The following CFAP46 variants were observed in gnomAD, a reference collection of about 807,000 sequenced individuals.
The protein encoded by CFAP46 is cilia and flagella associated protein 46, also known as cilia- and flagella-associated protein 46.
CFAP46 carries 245 observed loss-of-function variants against 325.7 expected under a neutral mutation model. The ratio of observed to expected loss-of-function variants is 0.75; its 90% confidence interval spans 0.68 to 0.84. CFAP46 has a LOEUF of 0.84. CFAP46 is among the 40% of genes least tolerant of loss of function. The probability of loss-of-function intolerance (pLI) is 0.00; values close to 1 mark genes in which losing one functional copy is unlikely to be tolerated. For missense variants in CFAP46, 3,346 were observed against 3,543.0 expected (o/e 0.94, Z 1.41); for synonymous variants, 1,523 against 1,495.9 (o/e 1.02, Z -0.42).
At chr10:132,937,100 C>A (rs10870211) in intron 6 of CFAP46, 45 bp from the exon 7 acceptor site, 1,156,857 of 1,179,852 alleles carry the variant, frequency 0.98, 567,181 homozygotes, top group East Asian at 1. Flanking sequence ...TCAAACAATT[C>A]GGTAGAGGTT....
At chr10:132,915,011 G>A (rs1026386180) in intron 17 of CFAP46, among the ~76,000 whole-genome samples, 23 of 152,390 alleles carry the variant, frequency 1.5e-4, no homozygotes, top group East Asian at 9.6e-4. Context: ...TCACTCAGCC[G>A]TGTGGACGTG....
rs1591069177 is a variant in CFAP46, at chr10:132,880,974, T to C, written c.3686A>G (p.His1229Arg). 1.9e-6 allele frequency: 3 copies of C among 1,550,396 alleles called. No homozygotes were observed. The highest frequency in any genetic ancestry group is 2.4e-5 in the East Asian group (1 of 40,930). ...GTCCTCGAGAGGAAAGTGTCTGTGA[T>C]GGAGCCACTGGCCGAACTCCATGAG... ...EYLMEFGQWL[H>R]HRHFPLEDVV... The change falls in exon 28 of 58, where the codon CAT becomes CGT. Residue 1229 changes from histidine to arginine, a missense_variant. His to Arg is a conservative substitution (Grantham distance 29). Coordinates refer to ENST00000368586, the MANE Select transcript of CFAP46 (RefSeq NM_001200049.3).
Position 132,937,010 on chromosome 10 carries a change from T to C in CFAP46, c.706A>G (p.Lys236Glu). Residue 236 changes from lysine to glutamate, a missense_variant, in exon 7 of 58, where the codon AAA becomes GAA. Physicochemically the swap from Lys to Glu is moderately conservative, Grantham distance 56. Coordinates refer to ENST00000368586, the MANE Select transcript of CFAP46 (RefSeq NM_001200049.3). ...GTGACTGACAGGCTAATGGAATTTT[T>C]CTTTTCTTCCTTTAACTGAAGTTCG... is the stretch of plus-strand genomic sequence containing the variant. ...MDELQLKEEK[K>E]NSISLSVTFY... 1 of 1,540,452 alleles carries C rather than the reference T, an allele frequency of 6.5e-7. No homozygotes were observed. The highest frequency in any genetic ancestry group is 8.8e-7 in the Non-Finnish European group (1 of 1,133,490).
In CFAP46 at chr10:132,889,469, C is replaced by T. The variant is rs1849224903; in HGVS notation, c.3304+2864G>A. Among the ~76,000 whole-genome samples, 2 of 152,182 alleles carry T rather than the reference C, an allele frequency of 1.3e-5. No individual in the cohort carries two copies. The highest frequency in any genetic ancestry group is 6.5e-5 in the Admixed American group (1 of 15,284). ...GGCACTGGCCAGAGAAGCGGGTCTG[C>T]GTCTGAAACTTGGGAACCCTGAGCC... On this transcript the variant is annotated intron_variant, in intron 25 of 57. Coordinates refer to ENST00000368586, the MANE Select transcript of CFAP46 (RefSeq NM_001200049.3). This position sits in a 1 kb window ranked among gnomAD's most constrained non-coding sequence, Gnocchi z 6.0.
At chr10:132,927,906 T>A (rs1228227442) in intron 9 of CFAP46, among the ~76,000 whole-genome samples, 1 of 152,250 alleles carries the variant, frequency 6.6e-6, no homozygotes, top group African/African-American at 2.4e-5. Flanking sequence ...GTAGAATGTT[T>A]ACCTAGAGAA....
At position 132,866,494 on chromosome 10, in the gene CFAP46, G is replaced by A. The variant is rs1286373066; in HGVS notation, c.4744-323C>T. Among the ~76,000 whole-genome samples the A allele has an allele frequency of 3.3e-5, 5 of 152,320 alleles. No homozygotes were observed. The South Asian group carries it at 1.0e-3, about 32-fold the overall frequency. On this transcript the variant is annotated intron_variant, in intron 34 of 57. Transcript: ENST00000368586. ...TCCACACACACACATTGGGGTGTAGGACCCCTTGCCCCACCTCGTGGTGCC... is the reference window on the plus strand; with the variant it reads ...TCCACACACACACATTGGGGTGTAGAACCCCTTGCCCCACCTCGTGGTGCC...
chr10:132,823,073 CTG>C (rs201683309), intron 50 of CFAP46, among the ~76,000 whole-genome samples: 13 of 112,938 alleles, frequency 1.2e-4, no homozygotes, highest in Admixed American at 2.0e-4. Flanking sequence ...CTGATGTGTG[CTG>C]TGTGTGCTGA....
intron 18 of CFAP46, 59 bp from the exon 19 acceptor site, chr10:132,912,879 T>C (rs1849575732): frequency 4.6e-6 from 7 of 1,533,336 alleles, no homozygotes; most frequent in Middle Eastern, 2.0e-4. Context: ...CCCGATCCCA[T>C]GTGCTGAGTC....
In CFAP46 at chr10:132,833,514, G is replaced by C. The variant is rs762394216; in HGVS notation, c.6961C>G (p.Pro2321Ala). ...AGGACTATCTTATCGGCAACCTCAG[G>C]CTGGACTGTGCCTGGGAAACAGCAG... ...TSTGQHSTVQPEVADKIVLVA... is the reference protein window; with the variant it reads ...TSTGQHSTVQAEVADKIVLVA... The change falls in exon 50 of 58, where the codon CCT becomes GCT. Residue 2321 changes from proline (P) to alanine (A), a missense_variant. Transcript: ENST00000368586. 4 of 1,613,732 alleles carry C rather than the reference G, an allele frequency of 2.5e-6. No individual in the cohort carries two copies. The South Asian group carries it at 4.4e-5, about 18-fold the overall frequency.
chr10:132,837,104 C>A (rs1848264626), intron 44 of CFAP46, 190 bp from the exon 45 acceptor site: 3 of 543,552 alleles, frequency 5.5e-6, no homozygotes, highest in South Asian at 4.8e-5. Context: ...CAGGGGGCAG[C>A]AGAGGCACGC....
chr10:132,839,267 G>T (rs1218077478), intron 44 of CFAP46, among the ~76,000 whole-genome samples: 1 of 152,216 alleles, frequency 6.6e-6, no homozygotes, highest in Non-Finnish European at 1.5e-5. Context: ...GTGGCCACAG[G>T]GGGGTGGCGC....
intron 50 of CFAP46, among the ~76,000 whole-genome samples, chr10:132,821,386 ATGTGTGCTGTG>A (rs1442849810): frequency 3.8e-5 from 3 of 78,372 alleles, no homozygotes; most frequent in African/African-American, 1.9e-4. Context: ...GTGTGCACTG[ATGTGTGCTGTG>A]TGTGTGCTGT....
chr10:132,920,772 C>G (rs1270841898), intron 13 of CFAP46, among the ~76,000 whole-genome samples: 1 of 152,232 alleles, frequency 6.6e-6, no homozygotes, highest in African/African-American at 2.4e-5. Flanking sequence ...CCCTGGAGCC[C>G]GTGCCGCCCT....
intron 44 of CFAP46, 131 bp downstream of exon 44, chr10:132,845,926 G>C: frequency 9.8e-7 from 1 of 1,018,886 alleles, no homozygotes; most frequent in Non-Finnish European, 1.4e-6. Context: ...CTGGGGGCAC[G>C]GGGAGGGATG....
At chr10:132,891,177 C>T (rs1469038555) in intron 25 of CFAP46, among the ~76,000 whole-genome samples, 3 of 152,172 alleles carry the variant, frequency 2.0e-5, no homozygotes, top group Non-Finnish European at 2.9e-5. Flanking sequence ...GGGACAGTGC[C>T]CACTCTGCAC....
chr10:132,910,941 C>T (rs746140058), intron 19 of CFAP46, among the ~76,000 whole-genome samples: 1 of 152,234 alleles, frequency 6.6e-6, no homozygotes, highest in African/African-American at 2.4e-5. Flanking sequence ...CCGCCCAAGC[C>T]GGCTTCCTCA....
intron 19 of CFAP46, 65 bp downstream of exon 19, chr10:132,912,584 CCTCTCT>C: frequency 7.3e-7 from 1 of 1,362,316 alleles, no homozygotes; most frequent in Admixed American, 2.5e-5. Flanking sequence ...CCTCTCCTCT[CCTCTCT>C]CTCTCTCCTC....
At chr10:132,932,759 T>C (rs140607236) in intron 8 of CFAP46, among the ~76,000 whole-genome samples, 1 of 152,282 alleles carries the variant, frequency 6.6e-6, no homozygotes. Context: ...TGTATCCACA[T>C]GCAAGGACCC....
intron 11 of CFAP46, among the ~76,000 whole-genome samples, chr10:132,924,204 C>A (rs1005976243): frequency 5.3e-5 from 8 of 151,524 alleles, no homozygotes; most frequent in African/African-American, 2.0e-4. Flanking sequence ...TGATGCCTGC[C>A]GCCTGCCTGC....
Sources: allele counts gnomAD v4.1 joint callset (sites outside exome capture counted in the v4.1 genomes callset), GRCh38; gene constraint gnomAD v4.1.1; non-coding constraint Gnocchi (gnomAD v3.1); transcripts MANE v1.5; gene names NCBI Gene and HGNC (gene_info 2026-07-23, HGNC 2026-07-21).